The following LRRC7 variants were observed in gnomAD, a reference collection of about 807,000 sequenced individuals.
The protein encoded by LRRC7 is leucine-rich repeat-containing protein 7.
Under a neutral mutation model 175.7 loss-of-function variants are expected in LRRC7, and 23 were observed. The ratio of observed to expected loss-of-function variants is 0.13; its 90% CI spans 0.09 to 0.19. The LOEUF (loss-of-function observed/expected upper bound fraction) is 0.19. LRRC7 is among the 10% of genes least tolerant of loss of function. The pLI is 1.00. For missense variants in LRRC7, 1,354 were observed against 1,904.7 expected (o/e 0.71, Z 5.38); for synonymous variants, 685 against 680.9 (o/e 1.01, Z -0.09).
chr1:69,825,427 A>C lies in LRRC7; in HGVS notation c.422-321A>C, dbSNP rs576636218. Among the ~76,000 whole-genome samples, 19 of 152,208 alleles carry C rather than the reference A, an allele frequency of 1.2e-4. No individual in the cohort carries two copies. In the Middle Eastern group the frequency reaches 0.01, roughly 82 times the overall value. ...TAGCAGCACTATAACTTAATAACTTAAGCTATTTTTATTTCTTTAGGTTAC... is the reference window on the plus strand; with the variant it reads ...TAGCAGCACTATAACTTAATAACTTCAGCTATTTTTATTTCTTTAGGTTAC... On this transcript the variant is annotated intron_variant, in intron 4 of 26. Transcript: ENST00000651989.
At chr1:69,948,053 T>C (rs905518657) in intron 8 of LRRC7, among the ~76,000 whole-genome samples, 2 of 152,104 alleles carry the variant, frequency 1.3e-5, no homozygotes, top group Admixed American at 6.6e-5. Context: ...CATGAATACG[T>C]TGGACGAAGG....
chr1:70,030,061 C>T (rs1213884640), intron 18 of LRRC7, among the ~76,000 whole-genome samples: 5 of 148,906 alleles, frequency 3.4e-5, no homozygotes, highest in African/African-American at 1.0e-4. Flanking sequence ...ATTACCAAAG[C>T]CTGTGCATTC....
At position 69,839,074 on chromosome 1, in the gene LRRC7, C is replaced by T. The variant is rs558348387; in HGVS notation, c.647+791C>T. On this transcript the variant is annotated intron_variant, in intron 7 of 26. Coordinates refer to ENST00000651989, the MANE Select transcript of LRRC7 (RefSeq NM_001370785.2). Reference sequence around the variant, plus strand: ...CAGTATTATAGAAAAATATTGAGTACAGTGAATAATTTTTTAAACATTTCA... The same window carrying T: ...CAGTATTATAGAAAAATATTGAGTATAGTGAATAATTTTTTAAACATTTCA... 9.4e-5 allele frequency: 28 copies of T among 297,792 alleles called. No homozygotes were observed. The East Asian group carries it at 2.3e-3, about 25-fold the overall frequency. The allele number at this position is 297,792 out of a possible 1,614,324, so 18.4% of individuals were successfully genotyped here.
At chr1:70,116,314 G>T (rs557077220) in intron 26 of LRRC7, among the ~76,000 whole-genome samples, 3 of 152,274 alleles carry the variant, frequency 2.0e-5, no homozygotes, top group East Asian at 3.9e-4. Context: ...TTGGGAGGCC[G>T]AGGCAGGCGC....
At chr1:69,725,985 GACTA>G (rs1666936262) in intron 2 of LRRC7, among the ~76,000 whole-genome samples, 1 of 152,194 alleles carries the variant, frequency 6.6e-6, no homozygotes, top group Non-Finnish European at 1.5e-5. Flanking sequence ...AGCTGGAATT[GACTA>G]ACTGAGTTTA....
intron 7 of LRRC7, chr1:69,919,892 G>A: frequency 1.5e-6 from 1 of 662,532 alleles, no homozygotes; most frequent in Admixed American, 2.2e-5. Context: ...CTGCTGGCCA[G>A]TGGCCGAACC....
chr1:69,942,980 AT>A (rs371944041), intron 8 of LRRC7, among the ~76,000 whole-genome samples: 4 of 151,858 alleles, frequency 2.6e-5, no homozygotes, highest in African/African-American at 7.3e-5. Context: ...TTTTTTTGCG[AT>A]TTTTTTTAGC....
intron 1 of LRRC7, among the ~76,000 whole-genome samples, chr1:69,582,642 A>G (rs892246938): frequency 6.6e-6 from 1 of 152,220 alleles, no homozygotes; most frequent in Non-Finnish European, 1.5e-5. Context: ...AGGAACTCCA[A>G]GTCATTCCAA....
chr1:69,841,316 C>G (rs187115241), intron 7 of LRRC7, among the ~76,000 whole-genome samples: 1 of 151,950 alleles, frequency 6.6e-6, no homozygotes, highest in African/African-American at 2.4e-5. Flanking sequence ...AAGCCTTGGT[C>G]TTCTTATAAT....
At chr1:69,798,751 A>G (rs1237293880) in intron 4 of LRRC7, among the ~76,000 whole-genome samples, 5 of 152,090 alleles carry the variant, frequency 3.3e-5, no homozygotes, top group Non-Finnish European at 7.4e-5. Flanking sequence ...GTGAAGTGCT[A>G]CCACATTGTA....
chr1:69,790,611 T>C (rs1363083576), intron 3 of LRRC7, among the ~76,000 whole-genome samples: 1 of 151,954 alleles, frequency 6.6e-6, no homozygotes, highest in African/African-American at 2.4e-5. Context: ...AATCTGTAAC[T>C]GACCACACTG....
At chr1:70,041,781 T>G (rs1031253482) in intron 21 of LRRC7, among the ~76,000 whole-genome samples, 2 of 152,230 alleles carry the variant, frequency 1.3e-5, no homozygotes, top group Non-Finnish European at 2.9e-5. Flanking sequence ...GTTACTGGTG[T>G]CCCAGATCAA....
chr1:69,715,861 C>G (rs139045011), intron 2 of LRRC7, among the ~76,000 whole-genome samples: 42 of 152,016 alleles, frequency 2.8e-4, no homozygotes, highest in Non-Finnish European at 5.5e-4. Flanking sequence ...AAGCACTGTA[C>G]AAAGCATTTT....
At chr1:69,879,354 G>C (rs1434342538) in intron 7 of LRRC7, among the ~76,000 whole-genome samples, 6 of 151,950 alleles carry the variant, frequency 3.9e-5, no homozygotes. Context: ...CTAATGTCAT[G>C]ACTGGCCTCA....
In LRRC7 at chr1:69,648,453, T is replaced by A. The variant is rs943051116; in HGVS notation, c.3-29928T>A. Among the ~76,000 whole-genome samples, 7 of 152,068 alleles carry A rather than the reference T, an allele frequency of 4.6e-5. No homozygotes were observed. In the South Asian group the frequency reaches 1.2e-3, roughly 27 times the overall value. On this transcript the variant is annotated intron_variant, in intron 1 of 26. Transcript: ENST00000651989. Reference sequence around the variant, plus strand: ...TGTCCTTCTTCTGCCTTGCTCCATGTCCAGGGAGAAGACCTATAGCTGGTT... The same window carrying A: ...TGTCCTTCTTCTGCCTTGCTCCATGACCAGGGAGAAGACCTATAGCTGGTT...
chr1:69,992,356 C>T (rs1570936824), intron 10 of LRRC7, among the ~76,000 whole-genome samples: 1 of 151,904 alleles, frequency 6.6e-6, no homozygotes, highest in Non-Finnish European at 1.5e-5. Flanking sequence ...TCTATCTCTT[C>T]AGTATTTCTT....
At chr1:70,090,678 G>A (rs1160276675) in intron 25 of LRRC7, among the ~76,000 whole-genome samples, 1 of 151,936 alleles carries the variant, frequency 6.6e-6, no homozygotes, top group Admixed American at 6.6e-5. Flanking sequence ...TTAGGATGAT[G>A]AAGAAGGAAA....
At chr1:69,890,187 C>A (rs1428799773) in intron 7 of LRRC7, among the ~76,000 whole-genome samples, 1 of 152,180 alleles carries the variant, frequency 6.6e-6, no homozygotes, top group Non-Finnish European at 1.5e-5. Context: ...TGTGAGGAAT[C>A]ACTATCTGGC....
intron 7 of LRRC7, among the ~76,000 whole-genome samples, chr1:69,882,757 C>T (rs558371811): frequency 8.6e-5 from 11 of 127,416 alleles, no homozygotes; most frequent in African/African-American, 2.9e-4. Context: ...AATGCTATCC[C>T]TCCCCCGCCC....
Sources: gnomAD v4.1 joint callset for allele counts (sites outside exome capture counted in the v4.1 genomes callset) on GRCh38, gnomAD v4.1.1 for gene constraint, MANE v1.5 for transcripts, NCBI Gene and HGNC (gene_info 2026-07-23, HGNC 2026-07-21) for gene names.